The following DPF3 variants were observed in gnomAD, a reference collection of about 807,000 sequenced individuals.
The protein encoded by DPF3 is zinc finger protein DPF3.
In DPF3, 18 loss-of-function variants were observed where a neutral mutation model predicts 56.8. The observed-to-expected ratio is 0.32, with a 90% CI of 0.22 to 0.47. The LOEUF (loss-of-function observed/expected upper bound fraction) is 0.47. DPF3 is among the 20% of genes least tolerant of loss of function. The pLI, the probability that DPF3 is intolerant of heterozygous loss-of-function variation, is 1.00. For missense variants in DPF3, 403 were observed against 488.8 expected (o/e 0.82, Z 1.65); for synonymous variants, 188 against 180.2 (o/e 1.04, Z -0.35).
intron 7 of DPF3, among the ~76,000 whole-genome samples, chr14:72,677,454 C>T (rs80084578): frequency 0.078 from 11,889 of 152,164 alleles, 1,183 homozygotes; most frequent in African/African-American, 0.23. Flanking sequence ...ATCAGTCATG[C>T]CCTGGGGAGG....
chr14:72,631,923 G>A (rs1885192945), intron 8 of DPF3, among the ~76,000 whole-genome samples: 1 of 152,204 alleles, frequency 6.6e-6, no homozygotes, highest in African/African-American at 2.4e-5. Context: ...TGTGTCAGAT[G>A]AGACGTTAGC....
intron 1 of DPF3, among the ~76,000 whole-genome samples, chr14:72,892,976 GA>G (rs1886820749): frequency 6.9e-6 from 1 of 144,606 alleles, no homozygotes; most frequent in Non-Finnish European, 1.5e-5. Context: ...AGGAAGGAAG[GA>G]AGGAAGGAAG....
intron 2 of DPF3, among the ~76,000 whole-genome samples, chr14:72,756,537 G>C (rs771707427): frequency 6.6e-6 from 1 of 152,106 alleles, no homozygotes; most frequent in Non-Finnish European, 1.5e-5. Context: ...GAGTGGCCGG[G>C]TACAGTGGCT....
intron 7 of DPF3, among the ~76,000 whole-genome samples, chr14:72,690,496 A>G (rs1287885320): frequency 6.6e-6 from 1 of 151,954 alleles, no homozygotes; most frequent in African/African-American, 2.4e-5. Context: ...ACGCAGGTAC[A>G]CACACAATAC....
chr14:72,634,863 A>G (rs1014347397), intron 8 of DPF3, among the ~76,000 whole-genome samples: 1 of 152,104 alleles, frequency 6.6e-6, no homozygotes, highest in African/African-American at 2.4e-5. Flanking sequence ...CCATGATTCA[A>G]CAGAGCATTT....
At chr14:72,737,210 C>A (rs11158975) in intron 3 of DPF3, among the ~76,000 whole-genome samples, 107,385 of 148,802 alleles carry the variant, frequency 0.72, 38,483 homozygotes, top group Middle Eastern at 0.85. Context: ...AACAAACAAA[C>A]AAAAAAAACC....
chr14:72,671,538 T>G, intron 8 of DPF3: 1 of 797,088 alleles, frequency 1.3e-6, no homozygotes, highest in African/African-American at 1.7e-5. Flanking sequence ...CTTCCCCCAC[T>G]CCCCGAAAAG....
chr14:72,761,482 G>T (rs1342524058), intron 2 of DPF3, among the ~76,000 whole-genome samples: 1 of 151,960 alleles, frequency 6.6e-6, no homozygotes, highest in African/African-American at 2.4e-5. Context: ...ATGAGTAAAA[G>T]AAGAAACCAA....
chr14:72,649,309 G>A (rs755781867), intron 8 of DPF3, among the ~76,000 whole-genome samples: 1 of 152,136 alleles, frequency 6.6e-6, no homozygotes, highest in Non-Finnish European at 1.5e-5. Flanking sequence ...CTGGGGGGCT[G>A]TGGAGTCTTT....
chr14:72,755,837 T>C (rs1890765914), intron 2 of DPF3, among the ~76,000 whole-genome samples: 1 of 152,160 alleles, frequency 6.6e-6, no homozygotes, highest in African/African-American at 2.4e-5. Flanking sequence ...GCCCCTTCCT[T>C]GCCCTCCTCA....
chr14:72,830,826 C>T (rs546887691), intron 1 of DPF3, among the ~76,000 whole-genome samples: 1 of 152,328 alleles, frequency 6.6e-6, no homozygotes, highest in African/African-American at 2.4e-5. Flanking sequence ...CCCGATCTCA[C>T]TAGTTCCTTC....
At chr14:72,670,765 C>T in intron 8 of DPF3, 4 of 1,021,400 alleles carry the variant, frequency 3.9e-6, no homozygotes, top group Non-Finnish European at 4.7e-6. Context: ...CTTCCTTTTG[C>T]CAATAAATAT....
At chr14:72,718,544 T>C (rs540199024) in intron 5 of DPF3, among the ~76,000 whole-genome samples, 56 of 152,322 alleles carry the variant, frequency 3.7e-4, no homozygotes, top group Middle Eastern at 3.4e-3. Flanking sequence ...GTGTGTGTAT[T>C]CTCTAGTTTA....
intron 6 of DPF3, among the ~76,000 whole-genome samples, chr14:72,712,053 A>T (rs1342420595): frequency 6.6e-6 from 1 of 152,098 alleles, no homozygotes; most frequent in African/African-American, 2.4e-5. Flanking sequence ...AAAGAGAGCC[A>T]GAACAGAGAA....
At chr14:72,623,277 TAC>T (rs1212580874) in intron 9 of DPF3, among the ~76,000 whole-genome samples, 1 of 152,158 alleles carries the variant, frequency 6.6e-6, no homozygotes, top group African/African-American at 2.4e-5. Flanking sequence ...ATAAATATTT[TAC>T]ACAGTCATAA....
intron 1 of DPF3, among the ~76,000 whole-genome samples, chr14:72,874,898 A>G (rs1451246397): frequency 6.6e-6 from 1 of 152,136 alleles, no homozygotes; most frequent in Non-Finnish European, 1.5e-5. Flanking sequence ...GTATTAGTCC[A>G]TTTTCACACA....
rs116658738 is a variant in DPF3 at position 72,807,708 on chromosome 14, G to C, written c.33-35815C>G. On this transcript the variant is annotated intron_variant, in intron 1 of 10. Transcript: ENST00000556509. ...CCAGAACAAATCCAGTCTTACAAGA[G>C]TATGAATATTAGAGCTACAAGGTAC... Among the ~76,000 whole-genome samples, 873 of 152,268 alleles carry C rather than the reference G, an allele frequency of 5.7e-3. 8 individuals are homozygous for C. The highest frequency in any genetic ancestry group is 0.02 in the African/African-American group (823 of 41,550).
chr14:72,838,517 A>ACAG (rs988278891), intron 1 of DPF3, among the ~76,000 whole-genome samples: 2 of 151,918 alleles, frequency 1.3e-5, no homozygotes, highest in African/African-American at 4.8e-5. Flanking sequence ...CCTGGAGAAG[A>ACAG]CAGCAGTCCA....
intron 1 of DPF3, among the ~76,000 whole-genome samples, chr14:72,811,854 G>C (rs190442259): frequency 6.6e-6 from 1 of 152,106 alleles, no homozygotes; most frequent in Non-Finnish European, 1.5e-5. Flanking sequence ...TTCTGCAGAT[G>C]AGAACACTGA....
Sources: allele counts gnomAD v4.1 joint callset (sites outside exome capture counted in the v4.1 genomes callset), GRCh38; gene constraint gnomAD v4.1.1; transcripts MANE v1.5; gene names NCBI Gene and HGNC (gene_info 2026-07-23, HGNC 2026-07-21).